The following SNCAIP variants were observed in gnomAD, a reference collection of about 807,000 sequenced individuals.
SNCAIP encodes synphilin-1.
In SNCAIP, 43 loss-of-function variants were observed where a neutral mutation model predicts 86.7. The ratio of observed to expected loss-of-function variants is 0.50; its 90% confidence interval spans 0.39 to 0.64. The LOEUF is 0.64. SNCAIP is among the 30% of genes least tolerant of loss of function. The pLI, the probability that SNCAIP is intolerant of heterozygous loss-of-function variation, is 0.00. For missense variants in SNCAIP, 981 were observed against 1,103.1 expected, an observed-to-expected ratio of 0.89 and a Z score of 1.57; for synonymous variants, 417 against 427.2, an observed-to-expected ratio of 0.98 and a Z score of 0.29.
At chr5:122,355,172 AAC>A (rs1760741261) in intron 1 of SNCAIP, among the ~76,000 whole-genome samples, 1 of 152,224 alleles carries the variant, frequency 6.6e-6, no homozygotes, top group Non-Finnish European at 1.5e-5. Context: ...CATATAAACA[AAC>A]ACATAACAAA....
chr5:122,380,836 T>G (rs1766586338), intron 1 of SNCAIP, among the ~76,000 whole-genome samples: 1 of 152,198 alleles, frequency 6.6e-6, no homozygotes, highest in African/African-American at 2.4e-5. Context: ...TCAGTTTCCA[T>G]GTAGTTGAGC....
At chr5:122,411,967 C>T (rs945928519) in intron 3 of SNCAIP, among the ~76,000 whole-genome samples, 1 of 152,150 alleles carries the variant, frequency 6.6e-6, no homozygotes, top group Non-Finnish European at 1.5e-5. Context: ...CAGGATGGTT[C>T]TCAAGATATG....
intron 2 of SNCAIP, among the ~76,000 whole-genome samples, chr5:122,394,487 G>T (rs1770160051): frequency 6.6e-6 from 1 of 152,168 alleles, no homozygotes; most frequent in African/African-American, 2.4e-5. Context: ...TTGTAATCCT[G>T]CCATCTAAAA....
chr5:122,433,147 G>GTA (rs912281656), intron 6 of SNCAIP, among the ~76,000 whole-genome samples: 1 of 141,586 alleles, frequency 7.1e-6, no homozygotes, highest in African/African-American at 2.6e-5. Flanking sequence ...GTGTGTGTGT[G>GTA]TATAATATAT....
chr5:122,330,117 C>CCTTTTTTTTTTTT (rs1415466705), intron 1 of SNCAIP, among the ~76,000 whole-genome samples: 1 of 96,850 alleles, frequency 1.0e-5, no homozygotes, highest in African/African-American at 4.3e-5. Flanking sequence ...AACTTCATTT[C>CCTTTTTTTTTTTT]TTTTTTTTTT....
At chr5:122,340,936 C>T (rs866113097) in intron 1 of SNCAIP, among the ~76,000 whole-genome samples, 2 of 152,220 alleles carry the variant, frequency 1.3e-5, no homozygotes, top group Non-Finnish European at 1.5e-5. Flanking sequence ...AGCATTAGTA[C>T]CTTAACATTT....
intron 5 of SNCAIP, among the ~76,000 whole-genome samples, chr5:122,430,026 ACAACCTTCTCGGG>A (rs1363267379): frequency 6.6e-6 from 1 of 152,146 alleles, no homozygotes; most frequent in Non-Finnish European, 1.5e-5. Context: ...CTCATTCAGA[ACAACCTTCTCGGG>A]CAAATACCTC....
chr5:122,369,732 T>C (rs1415820525), intron 1 of SNCAIP: 1 of 152,202 alleles, frequency 6.6e-6, no homozygotes, highest in Non-Finnish European at 1.5e-5. Context: ...TGGTGAAGGA[T>C]GCAGTCTTGC....
intron 1 of SNCAIP, among the ~76,000 whole-genome samples, chr5:122,381,067 C>A (rs923174892): frequency 2.0e-5 from 3 of 150,350 alleles, no homozygotes; most frequent in Non-Finnish European, 2.9e-5. Flanking sequence ...CCGCTTGGTG[C>A]AGAGCTGAGT....
At chr5:122,449,979 A>G (rs750259759) in intron 9 of SNCAIP, 42 bp downstream of exon 9, 2 of 1,339,168 alleles carry the variant, frequency 1.5e-6, no homozygotes, top group Admixed American at 3.4e-5. Flanking sequence ...TAAGTATCCT[A>G]AATTGTTAAG....
intron 2 of SNCAIP, chr5:122,400,927 T>G (rs951551656): frequency 9.6e-6 from 14 of 1,456,368 alleles, no homozygotes; most frequent in Admixed American, 2.5e-5. Flanking sequence ...ATTATAGAGA[T>G]AGAAAATGTA....
chr5:122,360,404 G>A (rs1761975775), intron 1 of SNCAIP, among the ~76,000 whole-genome samples: 1 of 152,176 alleles, frequency 6.6e-6, no homozygotes, highest in African/African-American at 2.4e-5. Flanking sequence ...GGACGCTGGT[G>A]ATGAATAGGG....
At chr5:122,345,061 CA>C (rs1758320364) in intron 1 of SNCAIP, among the ~76,000 whole-genome samples, 1 of 152,150 alleles carries the variant, frequency 6.6e-6, no homozygotes, top group African/African-American at 2.4e-5. Context: ...TGTGTCCCAA[CA>C]AGGTAGAGAA....
At chr5:122,402,561 G>T (rs1772053222) in intron 2 of SNCAIP, among the ~76,000 whole-genome samples, 1 of 151,710 alleles carries the variant, frequency 6.6e-6, no homozygotes. Context: ...GTGACATGCG[G>T]TTGGCAAACT....
chr5:122,419,117 G>A (rs1482940576), intron 3 of SNCAIP, among the ~76,000 whole-genome samples: 6 of 152,130 alleles, frequency 3.9e-5, no homozygotes, highest in Non-Finnish European at 1.5e-5. Context: ...TTAGGAGACT[G>A]CATAAGTGTT....
At chr5:122,414,135 C>G (rs554810075) in intron 3 of SNCAIP, among the ~76,000 whole-genome samples, 157 of 152,128 alleles carry the variant, frequency 1.0e-3, no homozygotes, top group African/African-American at 3.6e-3. Flanking sequence ...TCTCAAATTT[C>G]TGGCTTTAGG....
At position 122,463,783 on chromosome 5, in the gene SNCAIP, G is replaced by A. The variant is rs536163171; in HGVS notation, c.*287G>A. ...ATAACTTGTTTTTTTAAAAGATGCC[G>A]TTTAAAAGCATGATTGGGAAAATGT... On this transcript the variant is annotated 3_prime_UTR_variant, in exon 11 of 11. Transcript: ENST00000261368. 1.9e-3 allele frequency: 709 copies of A among 382,810 alleles called. 6 individuals are homozygous for A. The highest frequency in any genetic ancestry group is 1.2e-3 in the Non-Finnish European group (267 of 214,716). The allele number at this position is 382,810 out of a possible 1,614,324, so 23.7% of individuals were successfully genotyped here.
intron 6 of SNCAIP, among the ~76,000 whole-genome samples, chr5:122,439,710 C>G (rs1174503820): frequency 1.3e-5 from 2 of 152,150 alleles, no homozygotes; most frequent in Non-Finnish European, 2.9e-5. Flanking sequence ...TTATTTCAAA[C>G]ACATGATCAT....
chr5:122,418,718 C>A (rs530553730), intron 3 of SNCAIP, among the ~76,000 whole-genome samples: 1 of 152,170 alleles, frequency 6.6e-6, no homozygotes, highest in Non-Finnish European at 1.5e-5. Context: ...AGCATTCTCA[C>A]TCTGTAAATC....
Sources: gnomAD v4.1 joint callset for allele counts (sites outside exome capture counted in the v4.1 genomes callset) on GRCh38, gnomAD v4.1.1 for gene constraint, MANE v1.5 for transcripts, NCBI Gene and HGNC (gene_info 2026-07-23, HGNC 2026-07-21) for gene names.